PAK3: variants seen among roughly 807,000 people sequenced by gnomAD.
PAK3 encodes the protein serine/threonine-protein kinase PAK 3.
Under a neutral mutation model 41.0 loss-of-function variants are expected in PAK3, and 4 were observed. The ratio of observed to expected loss-of-function variants is 0.10; its 90% CI spans 0.05 to 0.22. The LOEUF (loss-of-function observed/expected upper bound fraction) is 0.22, where lower values mean the gene tolerates loss of function less well. Among genes scored for constraint, PAK3 ranks in the 10% least tolerant of loss-of-function variants. PAK3 has a pLI of 1.00. For missense variants in PAK3, 205 were observed against 409.9 expected (o/e 0.50, Z 4.32); for synonymous variants, 146 against 139.6 (o/e 1.05, Z -0.32).
chrX:111,081,783 G>A (rs2092836818), intron 1 of PAK3, among the ~76,000 whole-genome samples: 1 of 110,866 alleles, frequency 9.0e-6, no homozygotes. Flanking sequence ...CCTGACAGAT[G>A]ATAGACATTT....
chrX:111,030,781 C>A (rs1237742061), intron 1 of PAK3, among the ~76,000 whole-genome samples: 1 of 111,407 alleles, frequency 9.0e-6, no homozygotes, highest in Non-Finnish European at 1.9e-5. Flanking sequence ...TGAAATACTT[C>A]CTGGTTATTT....
At chrX:111,217,640 A>G in intron 17 of PAK3, 1 of 938,905 alleles carries the variant, frequency 1.1e-6, no homozygotes, top group Non-Finnish European at 1.4e-6. Context: ...AAGAGACTAC[A>G]TCTTTTCTTT....
intron 1 of PAK3, among the ~76,000 whole-genome samples, chrX:110,966,489 C>CAG (rs764376192): frequency 5.3e-4 from 57 of 107,986 alleles, no homozygotes; most frequent in African/African-American, 1.5e-3. Flanking sequence ...AGATCAAGAA[C>CAG]AGAGAGAGAG....
Position 110,945,945 on chromosome X carries a change from G to A in PAK3, c.-28+1317G>A, listed in dbSNP as rs764469468. Among the ~76,000 whole-genome samples the A allele has an allele frequency of 2.7e-5, 3 of 112,106 alleles. No homozygotes were observed. The South Asian group carries it at 1.1e-3, about 42-fold the overall frequency. ...CAGACATTTTTTGCATACCTGCTAT[G>A]TGTTATTAATGTTAAGTATTGAAAG... On this transcript the variant is annotated intron_variant, in intron 1 of 14. Transcript: ENST00000425146.
At chrX:111,173,204 T>A in intron 11 of PAK3, 123 bp downstream of exon 11, 1 of 480,196 alleles carries the variant, frequency 2.1e-6, no homozygotes, top group East Asian at 3.8e-5. Context: ...TATATTTATG[T>A]CTTGCATTCT....
intron 1 of PAK3, among the ~76,000 whole-genome samples, chrX:111,051,541 C>T (rs1433256806): frequency 9.0e-6 from 1 of 111,729 alleles, no homozygotes. Flanking sequence ...TGTTTTTTCT[C>T]CTGAGCTAAT....
At chrX:111,047,418 T>A (rs1454598331) in intron 1 of PAK3, among the ~76,000 whole-genome samples, 2 of 110,378 alleles carry the variant, frequency 1.8e-5, no homozygotes, top group East Asian at 2.9e-4. Context: ...TTTTTTTTTT[T>A]AAACAAGCCT....
At chrX:111,134,276 T>C (rs912896085) in intron 5 of PAK3, among the ~76,000 whole-genome samples, 4 of 111,638 alleles carry the variant, frequency 3.6e-5, no homozygotes, top group African/African-American at 1.3e-4. Flanking sequence ...ATCCCCACTG[T>C]TGGGGGAAAA....
intron 16 of PAK3, among the ~76,000 whole-genome samples, chrX:111,199,370 C>T (rs1411577063): frequency 9.0e-6 from 1 of 111,013 alleles, no homozygotes; most frequent in Admixed American, 9.6e-5. Flanking sequence ...TTCTAACATG[C>T]TTTGATTGTA....
At chrX:111,079,554 A>AGGTGT (rs747606356) in intron 1 of PAK3, among the ~76,000 whole-genome samples, 3 of 112,035 alleles carry the variant, frequency 2.7e-5, no homozygotes, top group Non-Finnish European at 5.6e-5. Context: ...TGGTCACTCA[A>AGGTGT]ATGTTCTGAT....
intron 1 of PAK3, among the ~76,000 whole-genome samples, chrX:111,029,657 A>G (rs73537191): frequency 0.015 from 1,694 of 111,917 alleles, 31 homozygotes; most frequent in African/African-American, 0.052. Context: ...GGGCCACTGC[A>G]GCTGCAGACC....
intron 8 of PAK3, among the ~76,000 whole-genome samples, chrX:111,155,225 GT>G (rs773960913): frequency 2.6e-3 from 284 of 111,106 alleles, no homozygotes; most frequent in African/African-American, 9.0e-3. Flanking sequence ...TAGTGGCTGA[GT>G]ATAGTGGTTC....
intron 11 of PAK3, among the ~76,000 whole-genome samples, chrX:111,188,470 G>A (rs778157050): frequency 4.5e-5 from 5 of 111,296 alleles, no homozygotes; most frequent in African/African-American, 6.5e-5. Flanking sequence ...TGATAAAGGC[G>A]TTCCAACTTT....
rs1454238549 is a variant in PAK3 at position 111,217,323 on chromosome X, A to C, written c.1545+765A>C. On this transcript the variant is annotated intron_variant, in intron 17 of 17. Transcript: ENST00000372007. ...GTATTTGATAAAGCAGTACGTGCCC[A>C]GGATTATACACATAGCTTCACTGCT... Among the ~76,000 whole-genome samples the C allele has an allele frequency of 9.8e-5, 11 of 111,988 alleles. No individual in the cohort carries two copies. The Admixed American group carries it at 1.0e-3, about 11-fold the overall frequency.
intron 14 of PAK3, 149 bp from the exon 15 acceptor site, chrX:111,195,693 G>A (rs745529154): frequency 2.2e-6 from 1 of 452,286 alleles, no homozygotes; most frequent in Non-Finnish European, 3.9e-6. Context: ...ATGGTAATGT[G>A]ACTTTAAAGT....
At chrX:111,018,898 T>C (rs1408543086) in intron 1 of PAK3, among the ~76,000 whole-genome samples, 1 of 111,366 alleles carries the variant, frequency 9.0e-6, no homozygotes, top group Admixed American at 9.5e-5. Context: ...CAGACACATA[T>C]ACCAATGGAG....
chrX:111,165,080 A>C (rs1014793608), intron 10 of PAK3, among the ~76,000 whole-genome samples: 3 of 111,522 alleles, frequency 2.7e-5, no homozygotes, highest in African/African-American at 6.5e-5. Context: ...CCAACAGTGC[A>C]CAGGACGGCT....
At chrX:111,062,551 C>G (rs1237232295) in intron 1 of PAK3, among the ~76,000 whole-genome samples, 3 of 112,215 alleles carry the variant, frequency 2.7e-5, no homozygotes, top group Non-Finnish European at 5.6e-5. Flanking sequence ...TCTGTAGAAT[C>G]TAGAAGTGAA....
At chrX:111,192,222 TTTAACAG>T (rs773474158) in intron 12 of PAK3, 47 bp downstream of exon 12, 259 of 826,113 alleles carry the variant, frequency 3.1e-4, no homozygotes, top group Non-Finnish European at 4.3e-4. Flanking sequence ...TTTATTCATA[TTTAACAG>T]TTATCTTCTT....
Sources: allele counts gnomAD v4.1 joint callset (sites outside exome capture counted in the v4.1 genomes callset), GRCh38; gene constraint gnomAD v4.1.1; transcripts MANE v1.5; gene names NCBI Gene and HGNC (gene_info 2026-07-23, HGNC 2026-07-21).